The following ROBO2 variants were observed in gnomAD, a reference collection of about 807,000 sequenced individuals.
ROBO2 encodes roundabout guidance receptor 2.
ROBO2 carries 53 observed loss-of-function variants against 160.8 expected under a neutral mutation model. The ratio of observed to expected loss-of-function variants is 0.33; its 90% confidence interval spans 0.26 to 0.41. The LOEUF is 0.41. Ranked by LOEUF, ROBO2 falls within the 10% of genes least tolerant of loss-of-function variation. The pLI is 1.00. For synonymous variants in ROBO2, 664 were observed against 611.7 expected, an observed-to-expected ratio of 1.09 and a Z score of -1.26; for missense variants, 1,577 against 1,722.4, an observed-to-expected ratio of 0.92 and a Z score of 1.49.
rs2084378188 is a variant in ROBO2, at chr3:77,479,140, AG to A, written c.546+1570del. ...ATAAGTGGGCCCAACAAATAGACAAAGTTCCTCTGGCCTCTGGGAGAGGTGG... is the reference window on the plus strand; with the variant it reads ...ATAAGTGGGCCCAACAAATAGACAAATTCCTCTGGCCTCTGGGAGAGGTGG... On this transcript the variant is annotated intron_variant, in intron 3 of 25. Transcript: ENST00000461745. Among the ~76,000 whole-genome samples the A allele has an allele frequency of 2.0e-5, 3 of 152,302 alleles. No individual in the cohort carries two copies. The East Asian group carries it at 5.8e-4, about 29-fold the overall frequency.
At chr3:75,923,803 G>T (rs1947166647) in intron 1 of ROBO2, among the ~76,000 whole-genome samples, 1 of 152,222 alleles carries the variant, frequency 6.6e-6, no homozygotes, top group African/African-American at 2.4e-5. Flanking sequence ...CTTTCAGGAA[G>T]GAGTTTGCAC....
intron 2 of ROBO2, among the ~76,000 whole-genome samples, chr3:76,428,837 A>G (rs553829543): frequency 6.6e-6 from 1 of 152,118 alleles, no homozygotes; most frequent in Non-Finnish European, 1.5e-5. Context: ...CCTCGACCTT[A>G]CTTAACCCTT....
chr3:77,548,828 C>T (rs2092803138), intron 7 of ROBO2, among the ~76,000 whole-genome samples: 1 of 151,652 alleles, frequency 6.6e-6, no homozygotes, highest in Non-Finnish European at 1.5e-5. Context: ...GAAAGAGATA[C>T]ACAGAGAGAA....
chr3:76,674,580 C>A (rs1295610363), intron 2 of ROBO2, among the ~76,000 whole-genome samples: 1 of 141,896 alleles, frequency 7.0e-6, no homozygotes, highest in East Asian at 2.1e-4. Context: ...GTTTTCTAAC[C>A]CTAGCCCACC....
intron 1 of ROBO2, among the ~76,000 whole-genome samples, chr3:77,050,752 G>A (rs1189476466): frequency 6.6e-6 from 1 of 150,802 alleles, no homozygotes; most frequent in Admixed American, 6.6e-5. Context: ...CGTGGCTCAT[G>A]CCTGTAATCT....
intron 2 of ROBO2, among the ~76,000 whole-genome samples, chr3:76,884,831 T>C (rs1220453559): frequency 6.6e-6 from 1 of 152,136 alleles, no homozygotes; most frequent in Non-Finnish European, 1.5e-5. Flanking sequence ...TATATCCAAA[T>C]AGGAGACAGC....
chr3:76,120,200 C>T (rs2070688828), intron 2 of ROBO2, among the ~76,000 whole-genome samples: 1 of 151,930 alleles, frequency 6.6e-6, no homozygotes, highest in African/African-American at 2.4e-5. Context: ...CGGAATTTTG[C>T]CATGTTGGCC....
chr3:76,929,267 A>G (rs890037204), intron 2 of ROBO2, among the ~76,000 whole-genome samples: 1 of 152,056 alleles, frequency 6.6e-6, no homozygotes, highest in East Asian at 1.9e-4. Context: ...CTCAAAAAGA[A>G]AGAAAGAAAA....
chr3:77,081,204 A>G (rs1157251746), intron 1 of ROBO2, among the ~76,000 whole-genome samples: 1 of 152,238 alleles, frequency 6.6e-6, no homozygotes, highest in Non-Finnish European at 1.5e-5. Context: ...AAATGAATAT[A>G]AACACATCAC....
At chr3:77,515,343 T>A (rs1273552255) in intron 5 of ROBO2, among the ~76,000 whole-genome samples, 1 of 151,606 alleles carries the variant, frequency 6.6e-6, no homozygotes, top group Non-Finnish European at 1.5e-5. Flanking sequence ...GTCAGCAGAG[T>A]GAGGAAGCCG....
chr3:76,858,581 C>G (rs934159188), intron 2 of ROBO2, among the ~76,000 whole-genome samples: 2 of 152,150 alleles, frequency 1.3e-5, no homozygotes, highest in Non-Finnish European at 2.9e-5. Flanking sequence ...AGCTTTTAAA[C>G]AATTAACTTA....
chr3:77,263,746 T>C (rs2058934010), intron 2 of ROBO2, among the ~76,000 whole-genome samples: 1 of 152,222 alleles, frequency 6.6e-6, no homozygotes, highest in African/African-American at 2.4e-5. Context: ...GAATAATTTA[T>C]ATTCCTTTGG....
chr3:76,737,148 T>A (rs1478606056), intron 2 of ROBO2, among the ~76,000 whole-genome samples: 1 of 152,204 alleles, frequency 6.6e-6, no homozygotes, highest in Non-Finnish European at 1.5e-5. Flanking sequence ...ACTAATATAG[T>A]GTTTTTTTCT....
chr3:76,884,009 T>C (rs1043080982), intron 2 of ROBO2, among the ~76,000 whole-genome samples: 1 of 152,216 alleles, frequency 6.6e-6, no homozygotes, highest in African/African-American at 2.4e-5. Flanking sequence ...TTAATAAACA[T>C]TTATCAATCC....
At chr3:76,280,639 C>A (rs923121372) in intron 2 of ROBO2, among the ~76,000 whole-genome samples, 1 of 152,110 alleles carries the variant, frequency 6.6e-6, no homozygotes, top group East Asian at 1.9e-4. Context: ...CTTCTCTAAT[C>A]TCTCCTTAAA....
At chr3:77,571,647 TA>T (rs1360570672) in intron 13 of ROBO2, among the ~76,000 whole-genome samples, 1 of 151,994 alleles carries the variant, frequency 6.6e-6, no homozygotes. Flanking sequence ...AATACTATTT[TA>T]AAAAAATATA....
At chr3:76,695,464 G>A (rs543393458) in intron 2 of ROBO2, among the ~76,000 whole-genome samples, 23 of 152,086 alleles carry the variant, frequency 1.5e-4, no homozygotes, top group African/African-American at 5.3e-4. Context: ...TGACAATGGT[G>A]TACTGTTAAT....
intron 2 of ROBO2, among the ~76,000 whole-genome samples, chr3:77,124,020 G>A (rs1407583947): frequency 1.5e-5 from 2 of 137,538 alleles, no homozygotes. Context: ...TGTTCACAAT[G>A]GTGTGTAAAA....
intron 2 of ROBO2, among the ~76,000 whole-genome samples, chr3:76,986,215 G>A (rs906150677): frequency 6.6e-6 from 1 of 152,096 alleles, no homozygotes; most frequent in Admixed American, 6.5e-5. Context: ...TTGCTATATA[G>A]TACGCATTGA....
Sources: gnomAD v4.1 joint callset for allele counts (sites outside exome capture counted in the v4.1 genomes callset) on GRCh38, gnomAD v4.1.1 for gene constraint, MANE v1.5 for transcripts, NCBI Gene and HGNC (gene_info 2026-07-23, HGNC 2026-07-21) for gene names.